Variants in SCN9A observed in about 807,000 individuals in gnomAD.
SCN9A encodes sodium voltage-gated channel alpha subunit 9.
A neutral mutation model predicts 187.0 loss-of-function variants in SCN9A; 131 were observed. The ratio of observed to expected loss-of-function variants is 0.70; its 90% CI spans 0.61 to 0.81. The LOEUF (loss-of-function observed/expected upper bound fraction) is 0.81. SCN9A is among the 30% of genes least tolerant of loss of function. The pLI is 0.00. For synonymous variants in SCN9A, 809 were observed against 808.6 expected (o/e 1.00, Z -0.01); for missense variants, 2,252 against 2,396.6 (o/e 0.94, Z 1.26).
At chr2:166,238,029 G>T in intron 20 of SCN9A, 65 bp downstream of exon 20, 1 of 1,174,428 alleles carries the variant, frequency 8.5e-7, no homozygotes, top group Non-Finnish European at 1.2e-6. Context: ...CAATAGTGGT[G>T]AAGGTTTTTT....
intron 1 of SCN9A, chr2:166,321,538 A>G (rs1024283946): frequency 7.6e-5 from 11 of 144,550 alleles, no homozygotes; most frequent in African/African-American, 2.6e-4. Flanking sequence ...AAAAAAAAAA[A>G]TCTATCAATT....
chr2:166,230,998 G>A (rs1165823063), intron 21 of SCN9A, among the ~76,000 whole-genome samples: 2 of 152,028 alleles, frequency 1.3e-5, no homozygotes, highest in East Asian at 1.9e-4. Context: ...ATAGCCCTGC[G>A]GCATGAATAA....
At chr2:166,355,462 C>A (rs1202399893) in intron 1 of SCN9A, among the ~76,000 whole-genome samples, 4 of 151,944 alleles carry the variant, frequency 2.6e-5, no homozygotes, top group East Asian at 3.9e-4. Flanking sequence ...GTCTCTTGAT[C>A]TTTTTTCTAT....
intron 14 of SCN9A, 32 bp from the exon 15 acceptor site, chr2:166,278,345 T>C (rs1341944281): frequency 6.6e-7 from 1 of 1,507,548 alleles, no homozygotes; most frequent in East Asian, 2.4e-5. Flanking sequence ...TTTCTGTTAA[T>C]ATTAGAAAAC....
At position 166,266,575 on chromosome 2, in the gene SCN9A, CTT is replaced by C. The variant is rs71031233; in HGVS notation, c.3351+5822_3351+5823del. On this transcript the variant is annotated intron_variant, in intron 17 of 26. Coordinates refer to ENST00000642356, the MANE Select transcript of SCN9A (RefSeq NM_001365536.1). ...TTGTGGTTTCATACAAATGTTAGGA[CTT>C]TTTTTTTTTTTTTCTGTAAAGAATG... Among the ~76,000 whole-genome samples, 365 of 137,332 alleles carry C rather than the reference CTT, an allele frequency of 2.7e-3. 4 individuals are homozygous for C. The highest frequency in any genetic ancestry group is 5.4e-3 in the African/African-American group (203 of 37,660). The allele number at this position is 137,332 out of a possible 152,430, so 90.1% of individuals were successfully genotyped here. A position where few individuals can be genotyped will look rare whatever the true frequency, so the allele number is the denominator to read the frequency against.
intron 17 of SCN9A, among the ~76,000 whole-genome samples, chr2:166,262,065 G>A (rs1207124856): frequency 1.3e-5 from 2 of 151,896 alleles, no homozygotes; most frequent in Non-Finnish European, 2.9e-5. Context: ...ACAAGCCAGG[G>A]AGAGCTGGAT....
At chr2:166,276,078 A>C (rs1697221755) in intron 16 of SCN9A, among the ~76,000 whole-genome samples, 1 of 152,154 alleles carries the variant, frequency 6.6e-6, no homozygotes, top group South Asian at 2.1e-4. Context: ...AATTGAGATG[A>C]GTGGCTCATA....
In SCN9A at chr2:166,196,202, T is replaced by TACAA. The variant is rs1234966297; in HGVS notation, c.*2466_*2469dup. On this transcript the variant is annotated 3_prime_UTR_variant, in exon 27 of 27. Coordinates refer to ENST00000642356, the MANE Select transcript of SCN9A (RefSeq NM_001365536.1). ...GCCTTCTGAAGGGTGAAACCATCAG[T>TACAA]ACAAACAGTAATCTACATGGAAAGA... is the stretch of plus-strand genomic sequence containing the variant. 6.6e-6 allele frequency: 1 copy of TACAA among 152,150 alleles called. No individual in the cohort carries two copies. Among genetic ancestry groups the TACAA allele is most frequent in the African/African-American group, 2.4e-5 (1 of 41,428 alleles). 9.4% of individuals were successfully genotyped at this position (152,150 alleles called of 1,614,324 possible).
chr2:166,233,328 G>T lies in SCN9A; in HGVS notation c.3924+12C>A. 6.7e-6 allele frequency: 10 copies of T among 1,503,202 alleles called. No individual in the cohort carries two copies. The highest frequency in any genetic ancestry group is 8.8e-6 in the Non-Finnish European group (10 of 1,130,190). The allele number at this position is 1,503,202 out of a possible 1,614,324, so 93.1% of individuals were successfully genotyped here. On this transcript the variant is annotated intron_variant, in intron 21 of 26. Transcript: ENST00000642356. ...AAAAATAAGAACATTATAAAGTTTA[G>T]TATTTTCTTACCCTCATTCCTTCAA...
intron 1 of SCN9A, among the ~76,000 whole-genome samples, chr2:166,327,533 A>G (rs1355934106): frequency 1.3e-5 from 2 of 152,128 alleles, no homozygotes; most frequent in Admixed American, 1.3e-4. Context: ...AGTAAAAACA[A>G]TGGTTGTAAT....
At chr2:166,368,318 C>T (rs892518816) in intron 1 of SCN9A, among the ~76,000 whole-genome samples, 5 of 152,052 alleles carry the variant, frequency 3.3e-5, no homozygotes, top group African/African-American at 7.2e-5. Flanking sequence ...TAAACTTTTC[C>T]GTATGTATTT....
intron 1 of SCN9A, among the ~76,000 whole-genome samples, chr2:166,333,970 A>G (rs1699570263): frequency 1.3e-5 from 2 of 152,100 alleles, no homozygotes. Flanking sequence ...TTTGTAAGCA[A>G]TGGAGGGCAT....
chr2:166,299,329 C>G (rs144531162), intron 7 of SCN9A, among the ~76,000 whole-genome samples: 1 of 150,646 alleles, frequency 6.6e-6, no homozygotes, highest in Non-Finnish European at 1.5e-5. Context: ...CCTGTATGCA[C>G]CTTATTCTTA....
chr2:166,334,224 A>C (rs1402372328), intron 1 of SCN9A, among the ~76,000 whole-genome samples: 2 of 152,228 alleles, frequency 1.3e-5, no homozygotes, highest in East Asian at 3.9e-4. Flanking sequence ...ACTGAAAATA[A>C]CGAATGCCAA....
At position 166,284,657 on chromosome 2, in the gene SCN9A, CACAA is replaced by C. The variant is rs775868908; in HGVS notation, c.1766_1769del (p.Phe589CysfsTer25). The C allele has an allele frequency of 8.7e-6, 14 of 1,613,984 alleles. No individual in the cohort carries two copies. The highest frequency in any genetic ancestry group is 1.0e-5 in the Non-Finnish European group (12 of 1,179,880). ...TGCGTCGCTCCTGGGGTCTGTGGGG[CACAA>C]ACAGTGAGCCCCTTCTGCTCTCATT... On this transcript the variant is annotated frameshift_variant, in exon 12 of 27. Transcript: ENST00000642356. LOFTEE classifies it high-confidence loss of function.
intron 1 of SCN9A, among the ~76,000 whole-genome samples, chr2:166,356,459 T>A (rs1280436595): frequency 6.6e-6 from 1 of 152,162 alleles, no homozygotes; most frequent in African/African-American, 2.4e-5. Flanking sequence ...AGTTGAAAAG[T>A]TAGGTCCAAA....
rs1335126635 is a variant in SCN9A at position 166,294,651 on chromosome 2, A to T, written c.913T>A (p.Tyr305Asn). 6.2e-7 allele frequency: 1 copy of T among 1,605,552 alleles called. No homozygotes were observed. Among genetic ancestry groups the T allele is most frequent in the Non-Finnish European group, 8.5e-7 (1 of 1,174,758 alleles). ...AGAGCATCTTTGGATCCTTCCAAGTAATAAAAATATTCTGTTGAAGAAGAA... is the reference window on the plus strand; with the variant it reads ...AGAGCATCTTTGGATCCTTCCAAGTTATAAAAATATTCTGTTGAAGAAGAA... ...SEEDFRKYFYYLEGSKDALLC... is the reference protein window; with the variant it reads ...SEEDFRKYFYNLEGSKDALLC... The change falls in exon 8 of 27, where the codon TAC becomes AAC. Residue 305 changes from tyrosine to asparagine, a missense_variant. Coordinates refer to ENST00000642356, the MANE Select transcript of SCN9A (RefSeq NM_001365536.1).
intron 1 of SCN9A, among the ~76,000 whole-genome samples, chr2:166,345,162 T>A (rs1339897155): frequency 6.6e-6 from 1 of 151,834 alleles, no homozygotes; most frequent in Non-Finnish European, 1.5e-5. Context: ...TGCTATATAA[T>A]GCCCTGAATG....
Position 166,272,602 on chromosome 2 carries a change from G to A in SCN9A, c.3148C>T (p.His1050Tyr), listed in dbSNP as rs201358060. Reference protein sequence around the residue: ...NHTLAEMSKGHNFLKEKDKIS... With the variant: ...NHTLAEMSKGYNFLKEKDKIS... Reference sequence around the variant, plus strand: ...TTATCTTTTTCCTTGAGGAAATTGTGACCTTTGCTCATTTCAGCAAGTGTA... The same window carrying A: ...TTATCTTTTTCCTTGAGGAAATTGTAACCTTTGCTCATTTCAGCAAGTGTA... The change falls in exon 17 of 27, where the codon CAC becomes TAC. Residue 1050 changes from histidine (H) to tyrosine (Y), a missense_variant. His to Tyr is a moderately conservative substitution (Grantham distance 83, BLOSUM62 2). Around this residue, in one of 7 missense-constraint regions of SCN9A, gnomAD observed 313 missense variants for 295.3 expected, o/e 1.06. Transcript: ENST00000642356. 6.2e-7 allele frequency: 1 copy of A among 1,613,234 alleles called. No homozygotes were observed. Among genetic ancestry groups the A allele is most frequent in the Non-Finnish European group, 8.5e-7 (1 of 1,179,736 alleles).
Sources: gnomAD v4.1 joint callset for allele counts (sites outside exome capture counted in the v4.1 genomes callset) on GRCh38, gnomAD v4.1.1 for gene constraint, gnomAD v4.1.1 regional missense constraint, MANE v1.5 for transcripts, NCBI Gene and HGNC (gene_info 2026-07-23, HGNC 2026-07-21) for gene names.